Variants in TMEM184B observed in about 807,000 individuals in gnomAD.
TMEM184B encodes the protein putative MAPK-activating protein FM08.
In TMEM184B, 17 loss-of-function variants were observed where a neutral mutation model predicts 41.8. That is an observed-to-expected ratio of 0.41 (90% CI 0.28 to 0.61). The LOEUF (loss-of-function observed/expected upper bound fraction) is 0.61, where lower values mean the gene tolerates loss of function less well. Ranked by LOEUF, TMEM184B falls within the 20% of genes least tolerant of loss-of-function variation. The pLI, the probability that TMEM184B is intolerant of heterozygous loss-of-function variation, is 0.34. For synonymous variants in TMEM184B, 240 were observed against 229.5 expected (o/e 1.05, Z -0.41); for missense variants, 393 against 557.8 (o/e 0.70, Z 2.98).
At position 38,220,143 on chromosome 22, in the gene TMEM184B, C is replaced by T. The variant is rs1336266428; in HGVS notation, c.*1326G>A. The T allele has an allele frequency of 2.0e-6, 2 of 985,312 alleles. No individual in the cohort carries two copies. The highest frequency in any genetic ancestry group is 3.5e-5 in the African/African-American group (2 of 57,204). 61.0% of individuals were successfully genotyped at this position (985,312 alleles called of 1,614,324 possible). Reference sequence around the variant, plus strand: ...TAGGGACACGTGTTGTGACACGAGGCTCTTCCTAAGTCAGGAGCTAGTATA... The same window carrying T: ...TAGGGACACGTGTTGTGACACGAGGTTCTTCCTAAGTCAGGAGCTAGTATA... On this transcript the variant is annotated 3_prime_UTR_variant, in exon 9 of 9. Coordinates refer to ENST00000361906, the MANE Select transcript of TMEM184B (RefSeq NM_012264.5).
Position 38,226,986 on chromosome 22 carries a change from C to T in TMEM184B, c.526-116G>A, listed in dbSNP as rs766091900. On this transcript the variant is annotated intron_variant, in intron 5 of 8. Transcript: ENST00000361906. The surrounding 1 kb of genome is among the most constrained non-coding windows in gnomAD (Gnocchi z 4.6). ...GGAGGGACAGAGAGGATGAAGGAGA[C>T]GGAGAGGACGGAGGGATGGAGGGAC... is the stretch of plus-strand genomic sequence containing the variant. 5.0e-6 allele frequency: 5 copies of T among 996,222 alleles called. No homozygotes were observed. Among genetic ancestry groups the T allele is most frequent in the African/African-American group, 3.3e-5 (2 of 59,786 alleles). The allele number at this position is 996,222 out of a possible 1,614,324, so 61.7% of individuals were successfully genotyped here.
intron 5 of TMEM184B, among the ~76,000 whole-genome samples, chr22:38,230,382 ACTT>A (rs552374964): frequency 7.9e-4 from 121 of 152,304 alleles, no homozygotes; most frequent in East Asian, 3.9e-3. Context: ...ATCCCCACGC[ACTT>A]CTTCTGATTT....
intron 2 of TMEM184B, chr22:38,246,878 G>C (rs1169624147): frequency 7.7e-7 from 1 of 1,302,810 alleles, no homozygotes; most frequent in Non-Finnish European, 1.0e-6. Context: ...GCCCAGCCGA[G>C]CCCTGGGCTG....
intron 3 of TMEM184B, among the ~76,000 whole-genome samples, chr22:38,243,995 G>A (rs115076005): frequency 0.015 from 2,264 of 152,216 alleles, 62 homozygotes; most frequent in African/African-American, 0.052. Flanking sequence ...GGGACCCCAC[G>A]CAGAGCAGAA....
downstream of TMEM184B, among the ~76,000 whole-genome samples, chr22:38,218,748 T>A (rs1353144313): frequency 6.6e-6 from 1 of 152,210 alleles, no homozygotes; most frequent in Non-Finnish European, 1.5e-5. Context: ...GCAGGCTATT[T>A]ACCCGCCTCG....
At chr22:38,271,226 A>G (rs970190950) in intron 1 of TMEM184B, among the ~76,000 whole-genome samples, 3 of 152,222 alleles carry the variant, frequency 2.0e-5, no homozygotes, top group African/African-American at 7.2e-5. Context: ...CCTAGAAGGC[A>G]GGCACCAGGT....
chr22:38,247,743 T>G, intron 2 of TMEM184B, 27 bp downstream of exon 2: 1 of 1,598,984 alleles, frequency 6.3e-7, no homozygotes, highest in Non-Finnish European at 8.5e-7. Context: ...TGGACCTTTC[T>G]AGAGGCCCCT....
At position 38,272,920 on chromosome 22, in the gene TMEM184B, A is replaced by G; in HGVS notation, c.-95T>C. The G allele has an allele frequency of 3.3e-6, 2 of 611,120 alleles. No individual in the cohort carries two copies. Among genetic ancestry groups the G allele is most frequent in the Non-Finnish European group, 4.1e-6 (2 of 488,274 alleles). The allele number at this position is 611,120 out of a possible 1,614,324, so 37.9% of individuals were successfully genotyped here. ...ATGGCGGTGGCGGCGTCTGCGGACG[A>G]TGCGCGGCAGCCGGACTCTGCGGGC... is the stretch of plus-strand genomic sequence containing the variant. On this transcript the variant is annotated 5_prime_UTR_variant, in exon 1 of 9. Transcript: ENST00000361906.
chr22:38,272,575 C>G (rs908506219), intron 1 of TMEM184B: 1 of 985,552 alleles, frequency 1.0e-6, no homozygotes, highest in African/African-American at 1.7e-5. Context: ...CCATCCGCCT[C>G]CCTCTCCCGG....
chr22:38,269,829 C>A (rs899948344), intron 1 of TMEM184B, among the ~76,000 whole-genome samples: 1 of 152,170 alleles, frequency 6.6e-6, no homozygotes, highest in Non-Finnish European at 1.5e-5. Context: ...AGACCAAAAG[C>A]TGCTAGAAGA....
rs1361379003 is a variant in TMEM184B at position 38,220,822 on chromosome 22, G to C, written c.*647C>G. The C allele has an allele frequency of 4.5e-5, 44 of 986,010 alleles. No homozygotes were observed. Among genetic ancestry groups the C allele is most frequent in the Non-Finnish European group, 5.3e-5 (44 of 830,174 alleles). The allele number at this position is 986,010 out of a possible 1,614,324, so 61.1% of individuals were successfully genotyped here. On this transcript the variant is annotated 3_prime_UTR_variant, in exon 9 of 9. Coordinates refer to ENST00000361906, the MANE Select transcript of TMEM184B (RefSeq NM_012264.5). ...GATACCCAGGGGCCCAGAAGCCCCT[G>C]CTTCAACAGAAGCGGTGCCCAGGGG...
intron 5 of TMEM184B, among the ~76,000 whole-genome samples, 193 bp downstream of exon 5, chr22:38,230,476 G>A (rs1198002747): frequency 6.6e-6 from 1 of 152,220 alleles, no homozygotes; most frequent in Non-Finnish European, 1.5e-5. Context: ...CTCCCAGGAT[G>A]TCGGTCGCTG....
intron 2 of TMEM184B, among the ~76,000 whole-genome samples, chr22:38,246,313 G>A (rs1245338751): frequency 9.2e-5 from 14 of 152,234 alleles, no homozygotes; most frequent in Admixed American, 7.8e-4. Flanking sequence ...CACAAGGCTC[G>A]TGGAGTGCAT....
At chr22:38,263,930 G>C (rs1033208384) in intron 1 of TMEM184B, among the ~76,000 whole-genome samples, 1 of 152,104 alleles carries the variant, frequency 6.6e-6, no homozygotes, top group East Asian at 1.9e-4. Flanking sequence ...TCAGCCTCCC[G>C]AGTAGCTGGG....
chr22:38,227,429 C>A, intron 5 of TMEM184B, among the ~76,000 whole-genome samples: 2 of 152,158 alleles, frequency 1.3e-5, no homozygotes, highest in Middle Eastern at 3.4e-3. Context: ...CCTTGGTGCC[C>A]GGGGCAAGGC....
chr22:38,226,924 G>A lies in TMEM184B; in HGVS notation c.526-54C>T, dbSNP rs918692655. The A allele has an allele frequency of 6.6e-7, 1 of 1,524,202 alleles. No homozygotes were observed. Among genetic ancestry groups the A allele is most frequent in the African/African-American group, 1.4e-5 (1 of 72,722 alleles). The allele number at this position is 1,524,202 out of a possible 1,614,324, so 94.4% of individuals were successfully genotyped here. ...GGAGGAGGAGCACAGAAGGCATGAA[G>A]CAAGCCCTGCCTCTGGCAGACGGAA... On this transcript the variant is annotated intron_variant, in intron 5 of 8. Transcript: ENST00000361906. The surrounding 1 kb of genome is among the most constrained non-coding windows in gnomAD (Gnocchi z 4.6).
intron 3 of TMEM184B, among the ~76,000 whole-genome samples, chr22:38,233,979 G>A (rs572678252): frequency 6.6e-6 from 1 of 151,870 alleles, no homozygotes; most frequent in Non-Finnish European, 1.5e-5. Flanking sequence ...ATGTTGGCCA[G>A]GGTGGTCTTG....
chr22:38,235,979 T>A (rs1376663458), intron 3 of TMEM184B, among the ~76,000 whole-genome samples: 1 of 152,062 alleles, frequency 6.6e-6, no homozygotes, highest in Non-Finnish European at 1.5e-5. Flanking sequence ...TCCCTAAATA[T>A]CTACCACAGC....
chr22:38,235,161 A>G (rs1277318309), intron 3 of TMEM184B, among the ~76,000 whole-genome samples: 1 of 152,224 alleles, frequency 6.6e-6, no homozygotes, highest in Admixed American at 6.5e-5. Flanking sequence ...CTGCCATGAC[A>G]ACAGGCTCAG....
Sources: allele counts gnomAD v4.1 joint callset (sites outside exome capture counted in the v4.1 genomes callset), GRCh38; gene constraint gnomAD v4.1.1; non-coding constraint Gnocchi (gnomAD v3.1); transcripts MANE v1.5; gene names NCBI Gene and HGNC (gene_info 2026-07-23, HGNC 2026-07-21).